The following LDB2 variants were observed in gnomAD, a reference collection of about 807,000 sequenced individuals.
The protein encoded by LDB2 is LIM domain-binding protein 2.
A neutral mutation model predicts 44.3 loss-of-function variants in LDB2; 12 were observed. The observed-to-expected ratio is 0.27, with a 90% CI of 0.17 to 0.44. The LOEUF (loss-of-function observed/expected upper bound fraction) is 0.44. LDB2 is among the 20% of genes least tolerant of loss of function. The pLI is 1.00. For missense variants in LDB2, 344 were observed against 473.5 expected (o/e 0.73, Z 2.54); for synonymous variants, 164 against 174.8 (o/e 0.94, Z 0.49).
rs114746448 is a variant in LDB2, at chr4:16,835,950, G to A, written c.132+62404C>T. The stretch of plus-strand genomic sequence containing the variant: ...GGTAAATGTTTAACAGAACATTCAG[G>A]AATGGTGGGGTACAAGGTCCTGACT... On this transcript the variant is annotated intron_variant, in intron 1 of 7. Coordinates refer to ENST00000304523, the MANE Select transcript of LDB2 (RefSeq NM_001290.5). Among the ~76,000 whole-genome samples, 936 of 152,298 alleles carry A rather than the reference G, an allele frequency of 6.1e-3. 6 individuals are homozygous for A. The highest frequency in any genetic ancestry group is 0.011 in the Non-Finnish European group (715 of 68,030).
chr4:16,690,868 C>T (rs1270670421), intron 2 of LDB2, among the ~76,000 whole-genome samples: 1 of 152,070 alleles, frequency 6.6e-6, no homozygotes, highest in East Asian at 1.9e-4. Context: ...ATTTTTAATA[C>T]AGTTAAAATG....
intron 2 of LDB2, among the ~76,000 whole-genome samples, chr4:16,690,279 G>C (rs1750310804): frequency 6.6e-6 from 1 of 151,686 alleles, no homozygotes; most frequent in South Asian, 2.1e-4. Context: ...TGGGCAACAT[G>C]AGAAAACACC....
In LDB2 at chr4:16,759,240, CCACCAGAGGTTGTCA is replaced by C; in HGVS notation, c.138_152del (p.Ser46_Trp51delinsArg). The C allele has an allele frequency of 1.2e-6, 2 of 1,613,102 alleles. No homozygotes were observed. Among genetic ancestry groups the C allele is most frequent in the Non-Finnish European group, 1.7e-6 (2 of 1,179,110 alleles). On this transcript the variant is annotated inframe_deletion, in exon 2 of 8. Transcript: ENST00000304523. ...CAAAAAATTCAGTGGCAAAGGCGTC[CCACCAGAGGTTGTCA>C]CTATCCTGCAAAGAGACAGATCATT...
chr4:16,857,977 C>T (rs1255852540), intron 1 of LDB2, among the ~76,000 whole-genome samples: 1 of 149,228 alleles, frequency 6.7e-6, no homozygotes, highest in African/African-American at 2.4e-5. Flanking sequence ...AATATATTGA[C>T]TGAATGAGCC....
At position 16,538,230 on chromosome 4, in the gene LDB2, C is replaced by A. The variant is rs116072654; in HGVS notation, c.616-26126G>T. On this transcript the variant is annotated intron_variant, in intron 5 of 7. Transcript: ENST00000304523. ...GGACCAAAGGCCCAGAGCAGAACAA[C>A]AAGCCCTGTTTTGCTTCCTCCTGGC... 5.0e-3 allele frequency among the ~76,000 whole-genome samples: 760 copies of A among 152,320 alleles called. 8 individuals carry two copies. Among genetic ancestry groups the A allele is most frequent in the African/African-American group, 0.018 (736 of 41,564 alleles).
intron 5 of LDB2, among the ~76,000 whole-genome samples, chr4:16,537,827 T>A (rs868008356): frequency 1.3e-5 from 2 of 152,166 alleles, no homozygotes; most frequent in Non-Finnish European, 2.9e-5. Flanking sequence ...TGCCACTGGT[T>A]TCTCAAGCTC....
At chr4:16,547,218 G>A (rs747667486) in intron 5 of LDB2, among the ~76,000 whole-genome samples, 22 of 152,094 alleles carry the variant, frequency 1.4e-4, no homozygotes, top group Admixed American at 7.2e-4. Flanking sequence ...AGTTAGGCTC[G>A]CACAAGTTCA....
At chr4:16,504,016 T>G (rs1213151281) in intron 7 of LDB2, among the ~76,000 whole-genome samples, 2 of 152,102 alleles carry the variant, frequency 1.3e-5, no homozygotes, top group African/African-American at 4.8e-5. Context: ...TGAGCAATAC[T>G]CCACTTAAAA....
At chr4:16,721,844 T>C (rs1183414248) in intron 2 of LDB2, among the ~76,000 whole-genome samples, 1 of 152,186 alleles carries the variant, frequency 6.6e-6, no homozygotes, top group African/African-American at 2.4e-5. Flanking sequence ...GTGATGTTTG[T>C]CAAATGCTTC....
intron 1 of LDB2, among the ~76,000 whole-genome samples, chr4:16,858,272 G>C (rs1561459609): frequency 6.6e-6 from 1 of 152,174 alleles, no homozygotes; most frequent in Non-Finnish European, 1.5e-5. Context: ...TGCTCCTAGA[G>C]CTAAGTAGAA....
chr4:16,698,333 G>A (rs182201419), intron 2 of LDB2, among the ~76,000 whole-genome samples: 36 of 152,276 alleles, frequency 2.4e-4, no homozygotes, highest in Admixed American at 5.2e-4. Flanking sequence ...TATTGTATCA[G>A]AAGAATGATA....
intron 2 of LDB2, among the ~76,000 whole-genome samples, chr4:16,649,653 C>A (rs1370470590): frequency 6.6e-6 from 1 of 152,180 alleles, no homozygotes; most frequent in East Asian, 1.9e-4. Flanking sequence ...TCAGTTCCCT[C>A]ATTTGTAAAA....
chr4:16,762,293 T>C (rs554883642), intron 1 of LDB2, among the ~76,000 whole-genome samples: 4 of 152,366 alleles, frequency 2.6e-5, no homozygotes, highest in Admixed American at 2.6e-4. Context: ...CAACAGCATC[T>C]GTCTATAACA....
Position 16,533,008 on chromosome 4 carries a change from G to A in LDB2, c.616-20904C>T, listed in dbSNP as rs1730662438. On this transcript the variant is annotated intron_variant, in intron 5 of 7. Transcript: ENST00000304523. This position sits in a 1 kb window ranked among gnomAD's most constrained non-coding sequence, Gnocchi z 4.1. ...CATCTCAATCAGCTGAAAAGATGGA[G>A]TAAAATGAGGAGTTAGGGGATGGAA... Among the ~76,000 whole-genome samples, 1 of 152,202 alleles carries A rather than the reference G, an allele frequency of 6.6e-6. No individual in the cohort carries two copies. Among genetic ancestry groups the A allele is most frequent in the Non-Finnish European group, 1.5e-5 (1 of 68,044 alleles).
At chr4:16,765,834 G>A (rs984294479) in intron 1 of LDB2, among the ~76,000 whole-genome samples, 3 of 152,174 alleles carry the variant, frequency 2.0e-5, no homozygotes, top group African/African-American at 7.2e-5. Flanking sequence ...GAGTTCATAT[G>A]GAGGCAGAAA....
intron 5 of LDB2, among the ~76,000 whole-genome samples, chr4:16,530,663 C>T (rs1294867082): frequency 1.3e-5 from 2 of 152,224 alleles, no homozygotes; most frequent in Admixed American, 6.5e-5. Flanking sequence ...TTGCACGATA[C>T]AGGCTTTCTT....
chr4:16,897,946 G>GTATATATA (rs35836810), intron 1 of LDB2, among the ~76,000 whole-genome samples: 32 of 27,888 alleles, frequency 1.1e-3, no homozygotes, highest in South Asian at 3.9e-3. Flanking sequence ...ATACACATAT[G>GTATATATA]TATATATATA....
At chr4:16,591,007 C>T in intron 3 of LDB2, among the ~76,000 whole-genome samples, 1 of 152,124 alleles carries the variant, frequency 6.6e-6, no homozygotes, top group Non-Finnish European at 1.5e-5. Context: ...TGACAGCTTT[C>T]ACAAAAGAGA....
At chr4:16,606,885 A>T (rs1560612035) in intron 2 of LDB2, among the ~76,000 whole-genome samples, 1 of 152,350 alleles carries the variant, frequency 6.6e-6, no homozygotes, top group East Asian at 1.9e-4. Context: ...TATCAACACG[A>T]TTCATCTGGG....
Sources: allele counts gnomAD v4.1 joint callset (sites outside exome capture counted in the v4.1 genomes callset), GRCh38; gene constraint gnomAD v4.1.1; non-coding constraint Gnocchi (gnomAD v3.1); transcripts MANE v1.5; gene names NCBI Gene and HGNC (gene_info 2026-07-23, HGNC 2026-07-21).